WDR4: variants seen among roughly 807,000 people sequenced by gnomAD.
The protein encoded by WDR4 is WDR4 tRNA N7-guanosine methyltransferase non-catalytic subunit, also known as tRNA (guanine-N(7)-)-methyltransferase non-catalytic subunit WDR4.
In WDR4, 47 loss-of-function variants were observed where a neutral mutation model predicts 48.6. The observed-to-expected ratio is 0.97, with a 90% confidence interval of 0.77 to 1.23. WDR4 has a LOEUF of 1.23. Ranked by LOEUF, WDR4 falls within the 50% of genes most tolerant of loss-of-function variation. The pLI is 0.00. For synonymous variants in WDR4, 268 were observed against 230.0 expected (o/e 1.17, Z -1.49); for missense variants, 606 against 551.6 (o/e 1.10, Z -0.99).
At chr21:42,859,267 A>C (rs1349810167) in intron 6 of WDR4, among the ~76,000 whole-genome samples, 1 of 152,082 alleles carries the variant, frequency 6.6e-6, no homozygotes, top group Non-Finnish European at 1.5e-5. Flanking sequence ...AAAGAAAGAA[A>C]AAAAGGAAAG....
Position 42,852,339 on chromosome 21 carries a change from C to T in WDR4, c.976-15G>A, listed in dbSNP as rs1319217668. 1 of 1,613,476 alleles carries T rather than the reference C, an allele frequency of 6.2e-7. No homozygotes were observed. The highest frequency in any genetic ancestry group is 1.3e-5 in the African/African-American group (1 of 74,934). On this transcript the variant is annotated splice_polypyrimidine_tract_variant and intron_variant, in intron 9 of 10. Coordinates refer to ENST00000398208, the MANE Select transcript of WDR4 (RefSeq NM_018669.6). ...TCAGGAACAGACTGCAGGCGACAAA[C>T]AGGAAATCTTCATCAGAAAGAGGCA...
At chr21:42,863,278 C>T (rs899355243) in intron 4 of WDR4, among the ~76,000 whole-genome samples, 162 bp downstream of exon 4, 1 of 152,160 alleles carries the variant, frequency 6.6e-6, no homozygotes, top group African/African-American at 2.4e-5. Context: ...TCAGCCTGTA[C>T]CCCACATACC....
chr21:42,855,577 T>C (rs906556554), intron 7 of WDR4, 105 bp downstream of exon 7: 9 of 829,996 alleles, frequency 1.1e-5, no homozygotes, highest in African/African-American at 1.7e-5. Context: ...AAGTCTGGCA[T>C]TGAGAGCAAA....
At chr21:42,873,822 CAG>C in intron 2 of WDR4, 131 bp from the exon 3 acceptor site, 1 of 1,048,144 alleles carries the variant, frequency 9.5e-7, no homozygotes, top group East Asian at 2.6e-5. Context: ...AGCCAAAATA[CAG>C]ACATATTAAA....
intron 3 of WDR4, among the ~76,000 whole-genome samples, chr21:42,872,807 A>T (rs2058402531): frequency 6.6e-6 from 1 of 151,748 alleles, no homozygotes; most frequent in Non-Finnish European, 1.5e-5. Flanking sequence ...CATGGTGGCA[A>T]GTGCCTGTAA....
chr21:42,858,200 C>T (rs997459189), intron 6 of WDR4, among the ~76,000 whole-genome samples: 1 of 152,148 alleles, frequency 6.6e-6, no homozygotes, highest in African/African-American at 2.4e-5. Context: ...AAGAAAATGC[C>T]CCAGGTCGGA....
chr21:42,844,834 A>G (rs996002462), downstream of WDR4, among the ~76,000 whole-genome samples: 1 of 152,218 alleles, frequency 6.6e-6, no homozygotes, highest in Non-Finnish European at 1.5e-5. Context: ...ACTCCTGCAG[A>G]CTGTCACTGA....
chr21:42,867,784 C>T (rs138666280), intron 3 of WDR4, among the ~76,000 whole-genome samples: 3 of 151,922 alleles, frequency 2.0e-5, no homozygotes, highest in Non-Finnish European at 2.9e-5. Context: ...AGACTGGCCT[C>T]GAACTGCTGG....
chr21:42,886,188 G>A, the WDR4 span, among the ~76,000 whole-genome samples: 1 of 151,896 alleles, frequency 6.6e-6, no homozygotes, highest in Admixed American at 6.6e-5. Context: ...AACTCCTGAC[G>A]TCAGGCAATC....
intron 6 of WDR4, 33 bp from the exon 7 acceptor site, chr21:42,855,813 G>C: frequency 6.7e-7 from 1 of 1,493,330 alleles, no homozygotes; most frequent in Non-Finnish European, 9.0e-7. Context: ...TTAGCACATG[G>C]TTGTGGGGCT....
At chr21:42,852,063 T>TG (rs371320758) in intron 10 of WDR4, among the ~76,000 whole-genome samples, 192 bp downstream of exon 10, 5 of 152,298 alleles carry the variant, frequency 3.3e-5, no homozygotes, top group East Asian at 1.9e-4. Context: ...CTGACTCCCA[T>TG]GGGGGGCTCC....
chr21:42,859,527 G>A, intron 6 of WDR4, 135 bp downstream of exon 6: 1 of 848,046 alleles, frequency 1.2e-6, no homozygotes. Context: ...GCCGCAGGCA[G>A]CTCTAAGATC....
Position 42,859,593 on chromosome 21 carries a change from A to AG in WDR4, c.627+68dup. On this transcript the variant is annotated intron_variant, in intron 6 of 10. Coordinates refer to ENST00000398208, the MANE Select transcript of WDR4 (RefSeq NM_018669.6). ...GCGATCCACAGGGGCCAGGTCCAGG[A>AG]GGCGCCCACCCCACCCTCCCTGCAG... 3 of 553,758 alleles carry AG rather than the reference A, an allele frequency of 5.4e-6. 1 individual carries two copies. Among genetic ancestry groups the AG allele is most frequent in the South Asian group, 1.7e-5 (1 of 58,210 alleles). The allele number at this position is 553,758 out of a possible 1,614,324, so 34.3% of individuals were successfully genotyped here.
At chr21:42,845,478 T>C (rs1332920923), downstream of WDR4, among the ~76,000 whole-genome samples, 2 of 152,242 alleles carry the variant, frequency 1.3e-5, no homozygotes, top group African/African-American at 4.8e-5. Flanking sequence ...CTTTGTAGGC[T>C]GGCTGAGTGC....
At position 42,854,556 on chromosome 21, in the gene WDR4, G is replaced by A. The variant is rs761691540; in HGVS notation, c.791+6C>T. 2 of 1,612,722 alleles carry A rather than the reference G, an allele frequency of 1.2e-6. No individual in the cohort carries two copies. On this transcript the variant is annotated splice_donor_region_variant and intron_variant, in intron 8 of 10. Coordinates refer to ENST00000398208, the MANE Select transcript of WDR4 (RefSeq NM_018669.6). ...CGGAGGCCATAGAGGTGCCGCCGCAGCTTACCCGTCGCACAGGAGCGCCAC... is the reference window on the plus strand; with the variant it reads ...CGGAGGCCATAGAGGTGCCGCCGCAACTTACCCGTCGCACAGGAGCGCCAC...
At chr21:42,865,965 C>T (rs1223107573) in intron 3 of WDR4, among the ~76,000 whole-genome samples, 1 of 152,144 alleles carries the variant, frequency 6.6e-6, no homozygotes, top group East Asian at 1.9e-4. Context: ...GGACACCAGG[C>T]ACCATCCACA....
At chr21:42,880,720 A>G (rs927581996), upstream of WDR4, among the ~76,000 whole-genome samples, 7 of 152,116 alleles carry the variant, frequency 4.6e-5, no homozygotes, top group African/African-American at 1.7e-4. Context: ...CTTCTTGGCC[A>G]TGTTGAAGAA....
In WDR4 at chr21:42,850,334, G is replaced by A. The variant is rs1199910745; in HGVS notation, c.1046-92C>T. On this transcript the variant is annotated intron_variant, in intron 10 of 10. Transcript: ENST00000398208. ...GCCCCCTGCAGCAGGGAGTTACCTC[G>A]TGACTCCCAGAGTCCTCGGTGGACC... 9 of 1,218,426 alleles carry A rather than the reference G, an allele frequency of 7.4e-6. No homozygotes were observed. The African/African-American group carries it at 9.3e-5, about 13-fold the overall frequency. The allele number at this position is 1,218,426 out of a possible 1,614,324, so 75.5% of individuals were successfully genotyped here. A position where few individuals can be genotyped will look rare whatever the true frequency, so the allele number is the denominator to read the frequency against.
At chr21:42,850,928 C>A (rs1189809216) in intron 10 of WDR4, among the ~76,000 whole-genome samples, 2 of 152,208 alleles carry the variant, frequency 1.3e-5, no homozygotes, top group Non-Finnish European at 2.9e-5. Flanking sequence ...CAGCCGGTAA[C>A]CCGCGCACCA....
Sources: gnomAD v4.1 joint callset for allele counts (sites outside exome capture counted in the v4.1 genomes callset) on GRCh38, gnomAD v4.1.1 for gene constraint, MANE v1.5 for transcripts, NCBI Gene and HGNC (gene_info 2026-07-23, HGNC 2026-07-21) for gene names.